The following CTDSPL variants were observed in gnomAD, a reference collection of about 807,000 sequenced individuals.
CTDSPL encodes the protein CTD small phosphatase like.
CTDSPL carries 8 observed loss-of-function variants against 30.5 expected under a neutral mutation model. The observed-to-expected ratio is 0.26, with a 90% CI of 0.15 to 0.47. CTDSPL has a LOEUF of 0.47. Among genes scored for constraint, CTDSPL ranks in the 20% least tolerant of loss-of-function variants. The probability of loss-of-function intolerance (pLI) is 0.99; values close to 1 mark genes in which losing one functional copy is unlikely to be tolerated. For synonymous variants in CTDSPL, 110 were observed against 137.9 expected (o/e 0.80, Z 1.42); for missense variants, 248 against 366.1 (o/e 0.68, Z 2.63).
At position 37,888,529 on chromosome 3, in the gene CTDSPL, T is replaced by G. The variant is rs185330966; in HGVS notation, c.79+26251T>G. 3.3e-3 allele frequency among the ~76,000 whole-genome samples: 499 copies of G among 152,274 alleles called. 3 individuals are homozygous for G. Among genetic ancestry groups the G allele is most frequent in the African/African-American group, 0.011 (456 of 41,548 alleles). On this transcript the variant is annotated intron_variant, in intron 1 of 7. Coordinates refer to ENST00000273179, the MANE Select transcript of CTDSPL (RefSeq NM_001008392.2). ...GGTTGCAGTAGCTTACTTCTGTTTT[T>G]GGGTAGGAGATGCTGGTCCGTGAGC...
chr3:37,971,524 A>G, intron 6 of CTDSPL, 25 bp downstream of exon 6: 3 of 1,602,464 alleles, frequency 1.9e-6, no homozygotes, highest in Non-Finnish European at 2.6e-6. Context: ...CCAGCCCCAC[A>G]CTCCCAGCCT....
chr3:37,903,004 G>A (rs1386542248), intron 1 of CTDSPL, among the ~76,000 whole-genome samples: 1 of 152,220 alleles, frequency 6.6e-6, no homozygotes, highest in Non-Finnish European at 1.5e-5. Flanking sequence ...TAACATGGTG[G>A]TGCTGGTCCC....
At chr3:37,870,724 T>C (rs1698062578) in intron 1 of CTDSPL, among the ~76,000 whole-genome samples, 1 of 152,230 alleles carries the variant, frequency 6.6e-6, no homozygotes, top group Admixed American at 6.5e-5. Flanking sequence ...AACACTACCT[T>C]AGCTGTGTCC....
chr3:37,975,989 T>C lies in CTDSPL; in HGVS notation c.705+95T>C. 1 of 1,305,710 alleles carries C rather than the reference T, an allele frequency of 7.7e-7. No individual in the cohort carries two copies. The highest frequency in any genetic ancestry group is 2.2e-5 in the Admixed American group (1 of 44,624). 80.9% of individuals were successfully genotyped at this position (1,305,710 alleles called of 1,614,324 possible). A position where few individuals can be genotyped will look rare whatever the true frequency, so the allele number is the denominator to read the frequency against. On this transcript the variant is annotated intron_variant, in intron 7 of 7. Transcript: ENST00000273179. The surrounding 1 kb of genome is among the most constrained non-coding windows in gnomAD (Gnocchi z 4.9). ...TTTTGAGCACCTACACAAGAAGGTCTCTGGGCCTTTTCCTAATGAAATCCC... is the reference window on the plus strand; with the variant it reads ...TTTTGAGCACCTACACAAGAAGGTCCCTGGGCCTTTTCCTAATGAAATCCC...
At chr3:37,874,510 T>G (rs999370878) in intron 1 of CTDSPL, among the ~76,000 whole-genome samples, 4 of 152,124 alleles carry the variant, frequency 2.6e-5, no homozygotes, top group Non-Finnish European at 5.9e-5. Context: ...GGCAGGCAGA[T>G]CACGAGGTCA....
At position 37,921,431 on chromosome 3, in the gene CTDSPL, A is replaced by G. The variant is rs75599921; in HGVS notation, c.80-25626A>G. ...GACTTGTTCGACCCATGTCATAGCC[A>G]TCTTCAACTTTAGAGACTGTATTGC... On this transcript the variant is annotated intron_variant, in intron 1 of 7. Transcript: ENST00000273179. Among the ~76,000 whole-genome samples the G allele has an allele frequency of 4.4e-3, 677 of 152,344 alleles. 6 individuals carry two copies. Among genetic ancestry groups the G allele is most frequent in the African/African-American group, 0.014 (591 of 41,586 alleles).
intron 3 of CTDSPL, 41 bp downstream of exon 3, chr3:37,957,184 A>C: frequency 1.4e-6 from 2 of 1,436,148 alleles, no homozygotes; most frequent in Non-Finnish European, 1.9e-6. Context: ...AAACAGTCAT[A>C]AAATCTTGTG....
intron 2 of CTDSPL, among the ~76,000 whole-genome samples, chr3:37,952,796 G>A (rs1177156401): frequency 1.1e-4 from 17 of 152,316 alleles, no homozygotes; most frequent in Non-Finnish European, 1.5e-5. Context: ...TGACTCATAA[G>A]TAGATACACT....
chr3:37,980,285 A>C (rs2125637160), intron 7 of CTDSPL, among the ~76,000 whole-genome samples: 1 of 152,288 alleles, frequency 6.6e-6, no homozygotes, highest in African/African-American at 2.4e-5. Context: ...TTGTGATGTA[A>C]TATTGCACAG....
chr3:37,979,800 G>A (rs1230476369), intron 7 of CTDSPL, among the ~76,000 whole-genome samples: 1 of 152,138 alleles, frequency 6.6e-6, no homozygotes, highest in Non-Finnish European at 1.5e-5. Flanking sequence ...TTGTGTGGTT[G>A]TGTCACCAAT....
chr3:37,929,801 C>T (rs1698828762), intron 1 of CTDSPL, among the ~76,000 whole-genome samples: 1 of 152,062 alleles, frequency 6.6e-6, no homozygotes, highest in Non-Finnish European at 1.5e-5. Flanking sequence ...TAGAATTTCC[C>T]ATAATGTGTA....
intron 1 of CTDSPL, among the ~76,000 whole-genome samples, chr3:37,940,556 C>G (rs113407731): frequency 1.0e-4 from 15 of 150,428 alleles, no homozygotes; most frequent in Middle Eastern, 3.5e-3. Context: ...GCAAAGATGA[C>G]TACCAATTGC....
At position 37,862,358 on chromosome 3, in the gene CTDSPL, A is replaced by G. The variant is rs1316013098; in HGVS notation, c.79+80A>G. On this transcript the variant is annotated intron_variant, in intron 1 of 7. Coordinates refer to ENST00000273179, the MANE Select transcript of CTDSPL (RefSeq NM_001008392.2). The surrounding 1 kb of genome is among the most constrained non-coding windows in gnomAD (Gnocchi z 4.3). ...CTGGAGTTCACTGCCGGGCGCCGGC[A>G]TGGGCCTGGGGGAGGGGTGCACAGG... 283 of 1,267,006 alleles carry G rather than the reference A, an allele frequency of 2.2e-4. 1 individual carries two copies. The highest frequency in any genetic ancestry group is 1.1e-4 in the Non-Finnish European group (109 of 978,636). 78.5% of individuals were successfully genotyped at this position (1,267,006 alleles called of 1,614,324 possible).
Position 37,928,930 on chromosome 3 carries a change from T to C in CTDSPL, c.80-18127T>C, listed in dbSNP as rs1335435789. Among the ~76,000 whole-genome samples, 6 of 152,356 alleles carry C rather than the reference T, an allele frequency of 3.9e-5. No individual in the cohort carries two copies. In the East Asian group the frequency reaches 1.2e-3, roughly 29 times the overall value. On this transcript the variant is annotated intron_variant, in intron 1 of 7. Coordinates refer to ENST00000273179, the MANE Select transcript of CTDSPL (RefSeq NM_001008392.2). ...AGTTTCAGGTCTTATGCTGAAGTCTTTAATCCATTTTGAGTTGACTTTTGT... is the reference window on the plus strand; with the variant it reads ...AGTTTCAGGTCTTATGCTGAAGTCTCTAATCCATTTTGAGTTGACTTTTGT...
chr3:37,929,970 T>C (rs1461392707), intron 1 of CTDSPL, among the ~76,000 whole-genome samples: 1 of 152,034 alleles, frequency 6.6e-6, no homozygotes, highest in Non-Finnish European at 1.5e-5. Flanking sequence ...TAGCTGGGCA[T>C]GGTGGTGCGT....
intron 7 of CTDSPL, among the ~76,000 whole-genome samples, chr3:37,979,530 T>C (rs1321352834): frequency 6.6e-6 from 1 of 151,874 alleles, no homozygotes. Flanking sequence ...GAGTTGGAGG[T>C]TGCAGTGAGC....
intron 3 of CTDSPL, among the ~76,000 whole-genome samples, chr3:37,958,588 T>C (rs943169240): frequency 4.6e-5 from 7 of 152,158 alleles, no homozygotes; most frequent in African/African-American, 1.7e-4. Flanking sequence ...CTTGTCAGTA[T>C]AAAAACCCCA....
chr3:37,895,389 T>C (rs1698379665), intron 1 of CTDSPL, among the ~76,000 whole-genome samples: 1 of 152,124 alleles, frequency 6.6e-6, no homozygotes, highest in South Asian at 2.1e-4. Flanking sequence ...TTGGGCAGTT[T>C]TTACATAGAA....
At chr3:37,971,264 C>A in intron 5 of CTDSPL, 143 bp from the exon 6 acceptor site, 1 of 698,618 alleles carries the variant, frequency 1.4e-6, no homozygotes, top group Non-Finnish European at 2.5e-6. Flanking sequence ...CTCATACAGT[C>A]TAGGCCTCTG....
Sources: gnomAD v4.1 joint callset for allele counts (sites outside exome capture counted in the v4.1 genomes callset) on GRCh38, gnomAD v4.1.1 for gene constraint, Gnocchi (gnomAD v3.1) non-coding constraint, MANE v1.5 for transcripts, NCBI Gene and HGNC (gene_info 2026-07-23, HGNC 2026-07-21) for gene names.